Variants in TMEM248 observed in about 807,000 individuals in gnomAD.
TMEM248 encodes UPF0458 protein C7orf42.
TMEM248 carries 9 observed loss-of-function variants against 30.3 expected under a neutral mutation model. The observed-to-expected ratio is 0.30, with a 90% CI of 0.18 to 0.52. The LOEUF (loss-of-function observed/expected upper bound fraction) is 0.52, where lower values mean the gene tolerates loss of function less well. Ranked by LOEUF, TMEM248 falls within the 20% of genes least tolerant of loss-of-function variation. The pLI, the probability that TMEM248 is intolerant of heterozygous loss-of-function variation, is 0.97. For missense variants in TMEM248, 338 were observed against 403.3 expected (o/e 0.84, Z 1.39); for synonymous variants, 184 against 154.4 (o/e 1.19, Z -1.42).
At chr7:66,925,872 A>G (rs954128830) in intron 1 of TMEM248, among the ~76,000 whole-genome samples, 3 of 151,448 alleles carry the variant, frequency 2.0e-5, no homozygotes, top group African/African-American at 7.3e-5. Context: ...TGAACTCCTG[A>G]CCTCATAATC....
At chr7:66,952,477 C>A (rs1290419911) in intron 5 of TMEM248, among the ~76,000 whole-genome samples, 1 of 152,204 alleles carries the variant, frequency 6.6e-6, no homozygotes, top group African/African-American at 2.4e-5. Context: ...TGGCCAAGGG[C>A]AGTCCCTGCC....
chr7:66,945,105 T>G lies in TMEM248; in HGVS notation c.289T>G (p.Ser97Ala). 1 of 1,614,182 alleles carries G rather than the reference T, an allele frequency of 6.2e-7. No homozygotes were observed. Among genetic ancestry groups the G allele is most frequent in the South Asian group, 1.1e-5 (1 of 91,078 alleles). The change falls in exon 3 of 7, where the codon TCC (serine) becomes GCC (alanine). Residue 97 changes from serine to alanine, a missense_variant. By Grantham distance (99) the Ser-to-Ala change is moderately conservative. Transcript: ENST00000341567. ...STMTSGQARA[S>A]TQSPQALEDS... ...AATGACCAGCGGGCAGGCCCGAGCT[T>G]CCACCCAGTCCCCCCAGGCCCTGGA...
chr7:66,925,744 C>T (rs571777930), intron 1 of TMEM248, among the ~76,000 whole-genome samples: 3 of 148,966 alleles, frequency 2.0e-5, no homozygotes, highest in Non-Finnish European at 4.4e-5. Context: ...TGGATTCAAG[C>T]GATTCTCCTG....
chr7:66,939,756 G>A (rs898295289), intron 1 of TMEM248, among the ~76,000 whole-genome samples: 1 of 152,150 alleles, frequency 6.6e-6, no homozygotes, highest in African/African-American at 2.4e-5. Flanking sequence ...AGGAAATAAA[G>A]CAGGGGCTGA....
At chr7:66,944,387 G>A (rs927982526) in intron 2 of TMEM248, among the ~76,000 whole-genome samples, 4 of 152,146 alleles carry the variant, frequency 2.6e-5, no homozygotes, top group African/African-American at 4.8e-5. Flanking sequence ...TTACAGGTGC[G>A]AGCCACCGTA....
At chr7:66,936,091 C>G (rs1243172650) in intron 1 of TMEM248, among the ~76,000 whole-genome samples, 1 of 152,130 alleles carries the variant, frequency 6.6e-6, no homozygotes, top group Non-Finnish European at 1.5e-5. Flanking sequence ...TTCTAGTACT[C>G]TGTTGAATTA....
chr7:66,943,591 G>A (rs1792019215), intron 2 of TMEM248, among the ~76,000 whole-genome samples: 1 of 152,174 alleles, frequency 6.6e-6, no homozygotes, highest in South Asian at 2.1e-4. Context: ...CTGGGCCTCA[G>A]TTTCTTCATG....
At chr7:66,921,489 G>C (rs1791383488) in intron 1 of TMEM248, 28 bp downstream of exon 1, 1 of 151,364 alleles carries the variant, frequency 6.6e-6, no homozygotes, top group African/African-American at 2.4e-5. Flanking sequence ...GGCGGGCTGG[G>C]GTCGGGCCCA....
intron 5 of TMEM248, 48 bp downstream of exon 5, chr7:66,951,183 CAT>C (rs761504026): frequency 6.8e-6 from 10 of 1,473,466 alleles, no homozygotes; most frequent in Admixed American, 2.4e-5. Flanking sequence ...TGCATATGCA[CAT>C]GTGTGCGCAT....
At chr7:66,929,426 A>AT (rs35126436) in intron 1 of TMEM248, among the ~76,000 whole-genome samples, 10,471 of 97,564 alleles carry the variant, frequency 0.11, 1,533 homozygotes, top group Middle Eastern at 0.21. Flanking sequence ...TGAGAGACAA[A>AT]TTTTTTTTTT....
intron 4 of TMEM248, 119 bp downstream of exon 4, chr7:66,948,813 A>G (rs1332973028): frequency 1.3e-5 from 14 of 1,111,946 alleles, no homozygotes; most frequent in Non-Finnish European, 1.8e-5. Context: ...TTATAGAATT[A>G]TCTCTACTCG....
intron 2 of TMEM248, among the ~76,000 whole-genome samples, 178 bp downstream of exon 2, chr7:66,942,202 C>G (rs1791981946): frequency 6.6e-6 from 1 of 152,140 alleles, no homozygotes; most frequent in Non-Finnish European, 1.5e-5. Flanking sequence ...TAGGAAATAC[C>G]TAGATGGGTA....
intron 1 of TMEM248, among the ~76,000 whole-genome samples, chr7:66,937,873 G>A (rs893730325): frequency 6.6e-6 from 1 of 152,064 alleles, no homozygotes; most frequent in African/African-American, 2.4e-5. Context: ...ACCACACCTG[G>A]CTAATTTTTT....
intron 1 of TMEM248, among the ~76,000 whole-genome samples, chr7:66,932,580 A>G (rs1791696431): frequency 6.7e-6 from 1 of 148,770 alleles, no homozygotes; most frequent in South Asian, 2.1e-4. Flanking sequence ...CAGTGGCGTG[A>G]TCTCGGCTCA....
At chr7:66,922,987 T>C (rs1455288371) in intron 1 of TMEM248, among the ~76,000 whole-genome samples, 1 of 152,086 alleles carries the variant, frequency 6.6e-6, no homozygotes, top group Non-Finnish European at 1.5e-5. Context: ...ATTATAGGCG[T>C]GAACCACCCG....
At chr7:66,946,005 A>G (rs931260236) in intron 3 of TMEM248, among the ~76,000 whole-genome samples, 74 of 151,226 alleles carry the variant, frequency 4.9e-4, no homozygotes, top group African/African-American at 1.7e-3. Context: ...AATAGCTTGA[A>G]CCCAGGAGGC....
chr7:66,932,598 C>T (rs1437683380), intron 1 of TMEM248, among the ~76,000 whole-genome samples: 2 of 151,416 alleles, frequency 1.3e-5, no homozygotes, highest in Admixed American at 1.3e-4. Context: ...TCACTGCAAC[C>T]TCTGCCTCCC....
intron 6 of TMEM248, 35 bp from the exon 7 acceptor site, chr7:66,955,467 T>C: frequency 1.2e-6 from 2 of 1,613,994 alleles, no homozygotes; most frequent in Non-Finnish European, 1.7e-6. Flanking sequence ...AGGCTTCCCT[T>C]TTTTGACTGG....
At chr7:66,925,678 C>T (rs1296094127) in intron 1 of TMEM248, among the ~76,000 whole-genome samples, 1 of 141,622 alleles carries the variant, frequency 7.1e-6, no homozygotes, top group Non-Finnish European at 1.5e-5. Context: ...TGAAATAATT[C>T]TATTTGTAGT....
Sources: allele counts gnomAD v4.1 joint callset (sites outside exome capture counted in the v4.1 genomes callset), GRCh38; gene constraint gnomAD v4.1.1; transcripts MANE v1.5; gene names NCBI Gene and HGNC (gene_info 2026-07-23, HGNC 2026-07-21).